Variants in LUZP2 observed in about 807,000 individuals in gnomAD.
The protein encoded by LUZP2 is leucine zipper protein 2.
A neutral mutation model predicts 51.6 loss-of-function variants in LUZP2; 52 were observed. That is an observed-to-expected ratio of 1.01 (90% CI 0.81 to 1.27). The LOEUF (loss-of-function observed/expected upper bound fraction) is 1.27. Ranked by LOEUF, LUZP2 falls within the 50% of genes most tolerant of loss-of-function variation. The pLI, the probability that LUZP2 is intolerant of heterozygous loss-of-function variation, is 0.00. For synonymous variants in LUZP2, 154 were observed against 137.3 expected (o/e 1.12, Z -0.85); for missense variants, 436 against 395.4 (o/e 1.10, Z -0.87).
At chr11:25,044,251 G>A (rs1253291748) in intron 9 of LUZP2, among the ~76,000 whole-genome samples, 1 of 117,640 alleles carries the variant, frequency 8.5e-6, no homozygotes, top group South Asian at 2.7e-4. Flanking sequence ...GTGTGTGTGT[G>A]TGTGTGTATA....
At position 24,959,158 on chromosome 11, in the gene LUZP2, G is replaced by T. The variant is rs372104432; in HGVS notation, c.523-17433G>T. Among the ~76,000 whole-genome samples, 3 of 152,022 alleles carry T rather than the reference G, an allele frequency of 2.0e-5. No individual in the cohort carries two copies. In the South Asian group the frequency reaches 6.2e-4, roughly 32 times the overall value. Reference sequence around the variant, plus strand: ...TATCATGCTGTTTTGGTTACTGTAGGCTTGTAGTATAGTTTGAAGTCAGGT... The same window carrying T: ...TATCATGCTGTTTTGGTTACTGTAGTCTTGTAGTATAGTTTGAAGTCAGGT... On this transcript the variant is annotated intron_variant, in intron 7 of 11. Coordinates refer to ENST00000336930, the MANE Select transcript of LUZP2 (RefSeq NM_001009909.4).
chr11:24,764,490 T>TAAAAAAAAAAAAAAAAAAAAAAAAA (rs869045272), intron 5 of LUZP2, among the ~76,000 whole-genome samples: 29 of 94,032 alleles, frequency 3.1e-4, no homozygotes, highest in Non-Finnish European at 4.7e-4. Context: ...ATCTCATCTC[T>TAAAAAAAAAAAAAAAAAAAAAAAAA]AAAAAAAAAA....
intron 1 of LUZP2, among the ~76,000 whole-genome samples, chr11:24,661,994 T>C (rs1416405382): frequency 6.6e-6 from 1 of 152,078 alleles, no homozygotes; most frequent in Non-Finnish European, 1.5e-5. Context: ...TAGGCAGATT[T>C]TCCACAATCA....
chr11:24,740,540 A>T (rs1341739611), intron 4 of LUZP2, among the ~76,000 whole-genome samples: 3 of 152,160 alleles, frequency 2.0e-5, no homozygotes, highest in Non-Finnish European at 4.4e-5. Context: ...AGTGTTTGGG[A>T]TTTAAATTTC....
At chr11:24,937,476 A>C (rs1854616676) in intron 7 of LUZP2, among the ~76,000 whole-genome samples, 1 of 152,226 alleles carries the variant, frequency 6.6e-6, no homozygotes, top group Non-Finnish European at 1.5e-5. Flanking sequence ...TACATTGTAC[A>C]AAATATTTTA....
chr11:25,040,686 A>G (rs1050793098), intron 9 of LUZP2, among the ~76,000 whole-genome samples: 4 of 152,176 alleles, frequency 2.6e-5, no homozygotes, highest in Non-Finnish European at 4.4e-5. Flanking sequence ...TGTTTTAAGC[A>G]TCTTCTTTTT....
At chr11:24,510,290 A>C (rs1464389806) in intron 1 of LUZP2, among the ~76,000 whole-genome samples, 1 of 152,202 alleles carries the variant, frequency 6.6e-6, no homozygotes, top group African/African-American at 2.4e-5. Flanking sequence ...TGGAAGATGA[A>C]GCCACAGGTA....
intron 1 of LUZP2, among the ~76,000 whole-genome samples, chr11:24,644,975 T>C (rs936364893): frequency 6.6e-6 from 1 of 152,170 alleles, no homozygotes; most frequent in Non-Finnish European, 1.5e-5. Context: ...CAGTGACTAA[T>C]GTAAATCACT....
intron 5 of LUZP2, among the ~76,000 whole-genome samples, chr11:24,767,969 T>C (rs1860257310): frequency 1.8e-5 from 1 of 54,702 alleles, no homozygotes; most frequent in African/African-American, 7.6e-5. Flanking sequence ...TATAGTATCA[T>C]TTCTTTTTTT....
At chr11:24,600,174 AAC>A (rs61439379) in intron 1 of LUZP2, among the ~76,000 whole-genome samples, 7,694 of 144,116 alleles carry the variant, frequency 0.053, 245 homozygotes, top group South Asian at 0.1. Flanking sequence ...TGTAGATTAC[AAC>A]ACACACACAC....
chr11:24,544,742 A>T (rs1334084363), intron 1 of LUZP2, among the ~76,000 whole-genome samples: 1 of 152,150 alleles, frequency 6.6e-6, no homozygotes, highest in Non-Finnish European at 1.5e-5. Flanking sequence ...TGCAATAAGC[A>T]CTATTTGCCT....
intron 1 of LUZP2, among the ~76,000 whole-genome samples, chr11:24,613,609 G>A (rs1231830665): frequency 6.6e-6 from 1 of 151,560 alleles, no homozygotes; most frequent in Non-Finnish European, 1.5e-5. Context: ...GTGGGAGGAA[G>A]CAACAATAGA....
At position 24,883,919 on chromosome 11, in the gene LUZP2, T is replaced by C. The variant is rs1272560526; in HGVS notation, c.397-22072T>C. Among the ~76,000 whole-genome samples the C allele has an allele frequency of 2.0e-5, 3 of 151,934 alleles. No homozygotes were observed. The East Asian group carries it at 5.8e-4, about 29-fold the overall frequency. On this transcript the variant is annotated intron_variant, in intron 5 of 11. Transcript: ENST00000336930. The stretch of plus-strand genomic sequence containing the variant: ...GGTTCTGTCATGAAGTGGAAAAAAG[T>C]GGGAGGTCTGCTCTTAATTACTCTA...
intron 5 of LUZP2, among the ~76,000 whole-genome samples, chr11:24,864,560 G>A (rs1851831376): frequency 6.6e-6 from 1 of 152,144 alleles, no homozygotes; most frequent in Non-Finnish European, 1.5e-5. Context: ...CTTTCTGTGT[G>A]GTGACTCCAT....
chr11:24,837,643 A>T (rs1850900136), intron 5 of LUZP2, among the ~76,000 whole-genome samples: 1 of 151,692 alleles, frequency 6.6e-6, no homozygotes, highest in Admixed American at 6.6e-5. Context: ...AGCTTTGAGG[A>T]CAGAAAGACA....
chr11:24,748,651 G>T (rs1859467226), intron 4 of LUZP2, among the ~76,000 whole-genome samples: 1 of 151,956 alleles, frequency 6.6e-6, no homozygotes, highest in South Asian at 2.1e-4. Context: ...AAGAGAGGGG[G>T]TTTCACCATG....
chr11:24,571,617 A>G (rs955426932), intron 1 of LUZP2, among the ~76,000 whole-genome samples: 3 of 152,082 alleles, frequency 2.0e-5, no homozygotes, highest in African/African-American at 4.8e-5. Context: ...ATCAATAAAG[A>G]AATTAATAGG....
intron 8 of LUZP2, among the ~76,000 whole-genome samples, chr11:24,982,723 T>G (rs1856073147): frequency 6.6e-6 from 1 of 151,716 alleles, no homozygotes; most frequent in Non-Finnish European, 1.5e-5. Flanking sequence ...GACACAAATT[T>G]ACCTATTTAA....
At chr11:24,880,142 T>C (rs1852413978) in intron 5 of LUZP2, among the ~76,000 whole-genome samples, 1 of 152,208 alleles carries the variant, frequency 6.6e-6, no homozygotes, top group Non-Finnish European at 1.5e-5. Flanking sequence ...ATTGCTGGCA[T>C]AGGTGATTCC....
Sources: gnomAD v4.1 joint callset for allele counts (sites outside exome capture counted in the v4.1 genomes callset) on GRCh38, gnomAD v4.1.1 for gene constraint, MANE v1.5 for transcripts, NCBI Gene and HGNC (gene_info 2026-07-23, HGNC 2026-07-21) for gene names.